Variants in KIAA1549L observed in about 807,000 individuals in gnomAD.
KIAA1549L encodes KIAA1549 like, also known as UPF0606 protein KIAA1549L.
A neutral mutation model predicts 160.7 loss-of-function variants in KIAA1549L; 88 were observed. That is an observed-to-expected ratio of 0.55 (90% CI 0.46 to 0.65). The LOEUF (loss-of-function observed/expected upper bound fraction) is 0.65. Ranked by LOEUF, KIAA1549L falls within the 30% of genes least tolerant of loss-of-function variation. The pLI is 0.00. For missense variants in KIAA1549L, 2,258 were observed against 2,437.5 expected, an observed-to-expected ratio of 0.93 and a Z score of 1.55; for synonymous variants, 950 against 976.7, an observed-to-expected ratio of 0.97 and a Z score of 0.51.
chr11:33,444,291 ATTATG>A (rs146769497), intron 1 of KIAA1549L, among the ~76,000 whole-genome samples: 3,639 of 152,324 alleles, frequency 0.024, 84 homozygotes, highest in Non-Finnish European at 0.03. Context: ...AGACTGATTA[ATTATG>A]TTATATCTAT....
chr11:33,653,165 G>C (rs1851945689), intron 17 of KIAA1549L, among the ~76,000 whole-genome samples: 2 of 152,182 alleles, frequency 1.3e-5, no homozygotes, highest in South Asian at 2.1e-4. Context: ...ATTTTGCTTG[G>C]TGATGGGGGA....
chr11:33,530,435 AAATATATATATATATATAT>A (rs1272038983), intron 1 of KIAA1549L, among the ~76,000 whole-genome samples: 7 of 7,070 alleles, frequency 9.9e-4, no homozygotes, highest in African/African-American at 3.6e-3. Context: ...AAAAAAAAAA[AAATATATATATATATATAT>A]ATATATATAT....
At chr11:33,667,537 C>G (rs188027122) in intron 20 of KIAA1549L, among the ~76,000 whole-genome samples, 23 of 152,038 alleles carry the variant, frequency 1.5e-4, no homozygotes, top group African/African-American at 5.5e-4. Context: ...GGACTACAGG[C>G]GCATGCCACC....
At chr11:33,444,299 A>G (rs1481007519) in intron 1 of KIAA1549L, among the ~76,000 whole-genome samples, 4 of 151,944 alleles carry the variant, frequency 2.6e-5, no homozygotes, top group Non-Finnish European at 4.4e-5. Context: ...TAATTATGTT[A>G]TATCTATATA....
At chr11:33,377,553 G>A (rs1253218835) in intron 1 of KIAA1549L, among the ~76,000 whole-genome samples, 4 of 152,158 alleles carry the variant, frequency 2.6e-5, no homozygotes, top group Admixed American at 6.5e-5. Context: ...TATTCTAGGT[G>A]GGGGTGGATT....
intron 16 of KIAA1549L, among the ~76,000 whole-genome samples, chr11:33,621,457 CA>C (rs1850956008): frequency 6.6e-6 from 1 of 152,300 alleles, no homozygotes; most frequent in East Asian, 1.9e-4. Flanking sequence ...GTTATTTTCA[CA>C]AGATGCTCCA....
chr11:33,531,120 A>G (rs1240286429), intron 1 of KIAA1549L, among the ~76,000 whole-genome samples: 1 of 152,078 alleles, frequency 6.6e-6, no homozygotes, highest in African/African-American at 2.4e-5. Flanking sequence ...ATTTTCTGTA[A>G]TGATCATGTA....
At chr11:33,586,662 C>T (rs1432302857) in intron 11 of KIAA1549L, among the ~76,000 whole-genome samples, 1 of 152,014 alleles carries the variant, frequency 6.6e-6, no homozygotes, top group Non-Finnish European at 1.5e-5. Flanking sequence ...TGAACATCTG[C>T]TTGGGACAGG....
intron 8 of KIAA1549L, among the ~76,000 whole-genome samples, chr11:33,567,167 A>G (rs1380845118): frequency 6.6e-6 from 1 of 152,228 alleles, no homozygotes; most frequent in Non-Finnish European, 1.5e-5. Context: ...TGTTGACTGC[A>G]GATGCCCTGG....
In KIAA1549L at chr11:33,630,448, C is replaced by T. The variant is rs566996543; in HGVS notation, c.5409+11786C>T. 3.9e-5 allele frequency among the ~76,000 whole-genome samples: 6 copies of T among 152,050 alleles called. No homozygotes were observed. The East Asian group carries it at 9.7e-4, about 25-fold the overall frequency. On this transcript the variant is annotated intron_variant, in intron 16 of 20. Transcript: ENST00000658780. The stretch of plus-strand genomic sequence containing the variant: ...ATCAGCGAGACTCCGTGGGCGTAGG[C>T]CCCTCCGAGCCAGGTGCGGGATATA...
At chr11:33,579,633 G>C (rs1855569190) in intron 10 of KIAA1549L, among the ~76,000 whole-genome samples, 1 of 152,176 alleles carries the variant, frequency 6.6e-6, no homozygotes, top group African/African-American at 2.4e-5. Context: ...GGATATCCTA[G>C]GAAGGTTAAG....
At chr11:33,478,223 C>T (rs1852331225) in intron 1 of KIAA1549L, among the ~76,000 whole-genome samples, 1 of 152,240 alleles carries the variant, frequency 6.6e-6, no homozygotes, top group Non-Finnish European at 1.5e-5. Flanking sequence ...CCACCACCTG[C>T]AGTCCTGCAG....
chr11:33,529,994 T>C (rs1853702058), intron 1 of KIAA1549L, among the ~76,000 whole-genome samples: 1 of 152,118 alleles, frequency 6.6e-6, no homozygotes, highest in African/African-American at 2.4e-5. Context: ...ACTGCTTTCC[T>C]TTTAAAGGTA....
intron 10 of KIAA1549L, among the ~76,000 whole-genome samples, chr11:33,576,677 G>A (rs1226122855): frequency 6.6e-6 from 1 of 152,218 alleles, no homozygotes; most frequent in Non-Finnish European, 1.5e-5. Context: ...AGAGTCAACG[G>A]CGCAAGATAA....
chr11:33,667,772 A>C, intron 20 of KIAA1549L, 101 bp from the exon 21 acceptor site: 1 of 980,984 alleles, frequency 1.0e-6, no homozygotes. Context: ...GTTCTCTTCC[A>C]TGTCCTCAGC....
chr11:33,420,775 C>T (rs749612912), intron 1 of KIAA1549L, among the ~76,000 whole-genome samples: 30 of 152,090 alleles, frequency 2.0e-4, no homozygotes, highest in Non-Finnish European at 3.8e-4. Context: ...TTCATAACCA[C>T]GAAATATATG....
intron 10 of KIAA1549L, among the ~76,000 whole-genome samples, chr11:33,577,514 G>A (rs551429919): frequency 6.6e-6 from 1 of 152,284 alleles, no homozygotes; most frequent in East Asian, 1.9e-4. Context: ...CGGGTGAAGG[G>A]GTCCGCAGGG....
chr11:33,378,729 C>T (rs886803547), intron 1 of KIAA1549L, among the ~76,000 whole-genome samples: 1 of 152,156 alleles, frequency 6.6e-6, no homozygotes, highest in African/African-American at 2.4e-5. Context: ...TCACAGTCCA[C>T]CTCTGAGCTC....
chr11:33,502,843 G>C (rs959403493), intron 1 of KIAA1549L, among the ~76,000 whole-genome samples: 1 of 152,132 alleles, frequency 6.6e-6, no homozygotes, highest in Non-Finnish European at 1.5e-5. Context: ...TTAAAATGGA[G>C]ATAAAACGTA....
Sources: gnomAD v4.1 joint callset for allele counts (sites outside exome capture counted in the v4.1 genomes callset) on GRCh38, gnomAD v4.1.1 for gene constraint, MANE v1.5 for transcripts, NCBI Gene and HGNC (gene_info 2026-07-23, HGNC 2026-07-21) for gene names.